Variants in CCNB3 observed in about 807,000 individuals in gnomAD.
CCNB3 encodes G2/mitotic-specific cyclin-B3.
CCNB3 carries 12 observed loss-of-function variants against 68.0 expected under a neutral mutation model. The observed-to-expected ratio is 0.18, with a 90% CI of 0.11 to 0.29. The LOEUF is 0.29. Ranked by LOEUF, CCNB3 falls within the 10% of genes least tolerant of loss-of-function variation. The probability of loss-of-function intolerance (pLI) is 1.00; values close to 1 mark genes in which losing one functional copy is unlikely to be tolerated. For missense variants in CCNB3, 904 were observed against 993.1 expected (o/e 0.91, Z 1.21); for synonymous variants, 354 against 388.9 (o/e 0.91, Z 1.06).
intron 5 of CCNB3, 44 bp from the exon 6 acceptor site, chrX:50,308,461 C>A (rs1557213851): frequency 5.6e-6 from 5 of 895,574 alleles, no homozygotes; most frequent in South Asian, 2.4e-5. Context: ...GGTGAGGATT[C>A]TAGGAACTAC....
intron 1 of CCNB3, among the ~76,000 whole-genome samples, chrX:50,214,426 C>G (rs1935528900): frequency 2.6e-5 from 2 of 75,532 alleles, no homozygotes; most frequent in African/African-American, 9.1e-5. Flanking sequence ...TTCCTCTTTT[C>G]TAATATTAAA....
upstream of CCNB3, chrX:50,204,679 C>T (rs1218998638): frequency 9.8e-6 from 1 of 101,565 alleles, no homozygotes; most frequent in Non-Finnish European, 2.0e-5. Flanking sequence ...AAAAAAAAAG[C>T]GCTGATTCGT....
At chrX:50,205,204 G>A (rs1557205292) in intron 1 of CCNB3, among the ~76,000 whole-genome samples, 1 of 112,287 alleles carries the variant, frequency 8.9e-6, no homozygotes, top group Non-Finnish European at 1.9e-5. Context: ...CACTTTGGGA[G>A]GCCGGGGCGG....
chrX:50,294,082 A>G (rs1454406793), intron 4 of CCNB3, among the ~76,000 whole-genome samples: 6 of 110,136 alleles, frequency 5.4e-5, no homozygotes, highest in Admixed American at 2.9e-4. Flanking sequence ...GACCATAGGC[A>G]TGTGCCACCA....
chrX:50,315,459 A>G (rs1280212004), intron 8 of CCNB3, among the ~76,000 whole-genome samples: 1 of 111,465 alleles, frequency 9.0e-6, no homozygotes, highest in Non-Finnish European at 1.9e-5. Flanking sequence ...AGAAATTGAA[A>G]AAAAGGACAA....
In CCNB3 at chrX:50,340,547, CACCA is replaced by C. The variant is rs527461860; in HGVS notation, c.3517-1653_3517-1650del. 2.7e-4 allele frequency among the ~76,000 whole-genome samples: 30 copies of C among 112,455 alleles called. 1 individual carries two copies. The South Asian group carries it at 0.011, about 42-fold the overall frequency. On this transcript the variant is annotated intron_variant, in intron 8 of 12. Transcript: ENST00000376042. ...CAAGGTCTCTAGCCAAGGCTGAAACCACCAATAGAATCTAGCTCACACTTTGTTT... is the reference window on the plus strand; with the variant it reads ...CAAGGTCTCTAGCCAAGGCTGAAACCATAGAATCTAGCTCACACTTTGTTT...
intron 5 of CCNB3, among the ~76,000 whole-genome samples, chrX:50,302,832 A>G (rs1557212947): frequency 8.9e-6 from 1 of 112,340 alleles, no homozygotes; most frequent in African/African-American, 3.2e-5. Context: ...TTGCATATAT[A>G]CAACACATTT....
intron 2 of CCNB3, 130 bp downstream of exon 2, chrX:50,284,746 T>G (rs566231294): frequency 9.3e-5 from 14 of 150,087 alleles, no homozygotes; most frequent in Middle Eastern, 3.0e-3. Flanking sequence ...TTGTTTTCAA[T>G]GCAAAACTCC....
In CCNB3 at chrX:50,284,815, G is replaced by A. The variant is rs1260161069; in HGVS notation, c.-38+199G>A. Among the ~76,000 whole-genome samples the A allele has an allele frequency of 6.3e-5, 7 of 111,421 alleles. No individual in the cohort carries two copies. The East Asian group carries it at 8.4e-4, about 13-fold the overall frequency. On this transcript the variant is annotated intron_variant, in intron 2 of 12. Transcript: ENST00000376042. ...ACTAGGGGCTAGACAACATCCCAGC[G>A]TTCACAGAGGATGGTAGGCACTGTG... is the stretch of plus-strand genomic sequence containing the variant.
chrX:50,336,388 C>T (rs1271476814), intron 8 of CCNB3, among the ~76,000 whole-genome samples: 6 of 112,017 alleles, frequency 5.4e-5, no homozygotes, highest in Non-Finnish European at 1.1e-4. Context: ...GCCTGGCGTT[C>T]GCCTTCCTTA....
chrX:50,315,867 A>C (rs1921702553), intron 8 of CCNB3, among the ~76,000 whole-genome samples: 1 of 111,706 alleles, frequency 9.0e-6, no homozygotes, highest in South Asian at 3.7e-4. Context: ...TACAGTGTAT[A>C]GCCTTTTGAG....
chrX:50,283,351 C>T (rs987585353), intron 1 of CCNB3, among the ~76,000 whole-genome samples: 1 of 111,302 alleles, frequency 9.0e-6, no homozygotes, highest in African/African-American at 3.3e-5. Flanking sequence ...CAGTCTATGC[C>T]CCTTAATAGT....
intron 1 of CCNB3, among the ~76,000 whole-genome samples, chrX:50,216,330 G>A (rs1935572297): frequency 2.8e-5 from 3 of 108,920 alleles, no homozygotes; most frequent in Non-Finnish European, 3.8e-5. Context: ...GTGCAGTGGC[G>A]CAATCTCAGC....
intron 1 of CCNB3, among the ~76,000 whole-genome samples, chrX:50,211,456 G>T (rs1935482263): frequency 9.0e-6 from 1 of 111,132 alleles, no homozygotes; most frequent in African/African-American, 3.3e-5. Flanking sequence ...TTGAGGACAG[G>T]AGTTTGAGTT....
chrX:50,279,789 A>T (rs1186221007), intron 1 of CCNB3, among the ~76,000 whole-genome samples: 1 of 89,141 alleles, frequency 1.1e-5, no homozygotes, highest in Non-Finnish European at 2.1e-5. Flanking sequence ...CATATATGTA[A>T]ATATATACTA....
intron 5 of CCNB3, among the ~76,000 whole-genome samples, chrX:50,305,530 A>C (rs1936746044): frequency 9.0e-6 from 1 of 110,720 alleles, no homozygotes; most frequent in South Asian, 3.9e-4. Context: ...GGGGAGGGAT[A>C]GCATTAGGAG....
Position 50,309,935 on chromosome X carries a change from A to G in CCNB3, c.1766A>G (p.Gln589Arg). 1 of 1,208,609 alleles carries G rather than the reference A, an allele frequency of 8.3e-7. No individual in the cohort carries two copies. The highest frequency in any genetic ancestry group is 3.0e-5 in the East Asian group (1 of 33,731). Reference sequence around the variant, plus strand: ...CTTACCAAGACATCGTTGTCTTTACAGGAAAAGAAAATTACTCAGGGGAAG... The same window carrying G: ...CTTACCAAGACATCGTTGTCTTTACGGGAAAAGAAAATTACTCAGGGGAAG... ...TVLTKTSLSL[Q>R]EKKITQGKMS... is the part of the protein sequence containing the mutation. Residue 589 changes from glutamine (Q) to arginine (R), a missense_variant, in exon 6 of 13, where the codon CAG becomes CGG. This residue lies in a region of CCNB3 where 619 missense variants were observed against 609.8 expected (regional missense o/e 1.02). Transcript: ENST00000376042.
chrX:50,338,104 G>A (rs1348220645), intron 8 of CCNB3, among the ~76,000 whole-genome samples: 2 of 111,892 alleles, frequency 1.8e-5, no homozygotes, highest in Non-Finnish European at 3.8e-5. Context: ...TTCCACTGGG[G>A]CAATTGCCTA....
At chrX:50,314,475 G>C (rs182808547) in intron 8 of CCNB3, among the ~76,000 whole-genome samples, 1 of 112,125 alleles carries the variant, frequency 8.9e-6, no homozygotes, top group Non-Finnish European at 1.9e-5. Context: ...GGGTCAGTAA[G>C]TATTTGTTGA....
Sources: allele counts gnomAD v4.1 joint callset (sites outside exome capture counted in the v4.1 genomes callset), GRCh38; gene constraint gnomAD v4.1.1; regional missense constraint gnomAD v4.1.1; transcripts MANE v1.5; gene names NCBI Gene and HGNC (gene_info 2026-07-23, HGNC 2026-07-21).